The following CNTN5 variants were observed in gnomAD, a reference collection of about 807,000 sequenced individuals.
The protein encoded by CNTN5 is contactin-5.
Under a neutral mutation model 129.1 loss-of-function variants are expected in CNTN5, and 77 were observed. That is an observed-to-expected ratio of 0.60 (90% CI 0.50 to 0.72). The LOEUF (loss-of-function observed/expected upper bound fraction) is 0.72, where lower values mean the gene tolerates loss of function less well. CNTN5 is among the 30% of genes least tolerant of loss of function. The pLI is 0.00. For missense variants in CNTN5, 1,478 were observed against 1,328.8 expected (o/e 1.11, Z -1.75); for synonymous variants, 509 against 465.6 (o/e 1.09, Z -1.20).
intron 1 of CNTN5, among the ~76,000 whole-genome samples, chr11:99,177,198 G>A (rs919132666): frequency 3.3e-5 from 5 of 152,002 alleles, no homozygotes; most frequent in African/African-American, 7.2e-5. Flanking sequence ...GTTTAAAAGC[G>A]GTATCTTCAC....
intron 23 of CNTN5, among the ~76,000 whole-genome samples, chr11:100,349,709 C>T (rs940357736): frequency 9.2e-5 from 14 of 151,642 alleles, no homozygotes; most frequent in Non-Finnish European, 2.1e-4. Context: ...TATGAAAAAG[C>T]ACAAAAAACA....
chr11:99,631,205 T>C (rs1450716563), intron 3 of CNTN5, among the ~76,000 whole-genome samples: 1 of 152,136 alleles, frequency 6.6e-6, no homozygotes, highest in African/African-American at 2.4e-5. Context: ...TTTAATACTG[T>C]ACTAAATTTC....
intron 2 of CNTN5, among the ~76,000 whole-genome samples, chr11:99,509,341 A>C (rs1946747413): frequency 6.6e-6 from 1 of 152,216 alleles, no homozygotes; most frequent in South Asian, 2.1e-4. Context: ...ATTCTCAAAA[A>C]ATTTGTAAAC....
At chr11:100,076,324 T>C (rs558611684) in intron 13 of CNTN5, among the ~76,000 whole-genome samples, 8 of 152,230 alleles carry the variant, frequency 5.3e-5, no homozygotes, top group African/African-American at 1.9e-4. Flanking sequence ...GTCCTATTTA[T>C]TTCAGTTCAC....
At chr11:99,938,200 T>C (rs918451698) in intron 7 of CNTN5, among the ~76,000 whole-genome samples, 18 of 152,176 alleles carry the variant, frequency 1.2e-4, no homozygotes, top group African/African-American at 2.4e-4. Flanking sequence ...TGACTCCCTA[T>C]GCTTGGAAAG....
chr11:99,664,048 T>C (rs192912772), intron 3 of CNTN5, among the ~76,000 whole-genome samples: 59 of 152,290 alleles, frequency 3.9e-4, no homozygotes, highest in African/African-American at 1.4e-3. Flanking sequence ...GTCTACAGTA[T>C]TGGAACGGCG....
At chr11:99,637,032 A>AAAAAAAAAAAAAAAAAC in intron 3 of CNTN5, among the ~76,000 whole-genome samples, 1 of 142,962 alleles carries the variant, frequency 7.0e-6, no homozygotes, top group Non-Finnish European at 1.5e-5. Flanking sequence ...AAAAAAAAAA[A>AAAAAAAAAAAAAAAAAC]AAAAAAAAAG....
At chr11:99,579,505 T>C (rs1220557240) in intron 3 of CNTN5, among the ~76,000 whole-genome samples, 5 of 150,100 alleles carry the variant, frequency 3.3e-5, no homozygotes, top group Admixed American at 6.7e-5. Flanking sequence ...TTTTATTTCA[T>C]TGAGCAGTGG....
chr11:99,272,122 A>G (rs1193541215), intron 1 of CNTN5, among the ~76,000 whole-genome samples: 3 of 152,044 alleles, frequency 2.0e-5, no homozygotes, highest in Middle Eastern at 6.8e-3. Flanking sequence ...ATTTGTTCAC[A>G]AGAAAACTGA....
At chr11:100,001,473 A>G (rs972049113) in intron 8 of CNTN5, among the ~76,000 whole-genome samples, 2 of 152,212 alleles carry the variant, frequency 1.3e-5, no homozygotes, top group Admixed American at 1.3e-4. Flanking sequence ...ATTCATGGCA[A>G]TGATCACTTC....
chr11:99,104,106 A>G (rs1866880987), intron 1 of CNTN5, among the ~76,000 whole-genome samples: 1 of 152,248 alleles, frequency 6.6e-6, no homozygotes, highest in South Asian at 2.1e-4. Context: ...TGAACATCAT[A>G]GCAAATGTTA....
chr11:99,683,651 A>G (rs1953658012), intron 3 of CNTN5, among the ~76,000 whole-genome samples: 1 of 151,810 alleles, frequency 6.6e-6, no homozygotes, highest in African/African-American at 2.4e-5. Flanking sequence ...AAAGTTTGCC[A>G]GTTTTCACAC....
At chr11:99,479,085 A>C (rs1945490118) in intron 2 of CNTN5, among the ~76,000 whole-genome samples, 2 of 152,126 alleles carry the variant, frequency 1.3e-5, no homozygotes, top group African/African-American at 2.4e-5. Flanking sequence ...ACAATGGATT[A>C]AAATTCATAT....
intron 13 of CNTN5, 119 bp downstream of exon 13, chr11:100,074,413 T>A: frequency 1.1e-6 from 1 of 904,644 alleles, no homozygotes; most frequent in Non-Finnish European, 1.7e-6. Context: ...TATGAACTGA[T>A]TGAAACATGG....
At chr11:100,327,455 A>C (rs567968191) in intron 21 of CNTN5, among the ~76,000 whole-genome samples, 1 of 152,160 alleles carries the variant, frequency 6.6e-6, no homozygotes, top group Non-Finnish European at 1.5e-5. Flanking sequence ...CTCAGCCTTC[A>C]ATGTAACTGT....
intron 2 of CNTN5, among the ~76,000 whole-genome samples, chr11:99,532,413 G>T: frequency 6.6e-6 from 1 of 152,066 alleles, no homozygotes; most frequent in East Asian, 1.9e-4. Flanking sequence ...CTTTGTTTTG[G>T]GTTACTGCCG....
intron 1 of CNTN5, among the ~76,000 whole-genome samples, chr11:99,062,190 T>C (rs1051114391): frequency 1.3e-5 from 2 of 152,180 alleles, no homozygotes; most frequent in African/African-American, 4.8e-5. Context: ...CAGACTGTGC[T>C]GATGGCTTCA....
chr11:99,062,045 C>G (rs1014010492), intron 1 of CNTN5, among the ~76,000 whole-genome samples: 19 of 151,366 alleles, frequency 1.3e-4, no homozygotes, highest in Admixed American at 1.3e-3. Flanking sequence ...ATAATTAAAG[C>G]CAGTGCCTCT....
In CNTN5 at chr11:99,064,690, C is replaced by A. The variant is rs1410981624; in HGVS notation, c.-210+43420C>A. Among the ~76,000 whole-genome samples, 5 of 151,990 alleles carry A rather than the reference C, an allele frequency of 3.3e-5. No individual in the cohort carries two copies. The South Asian group carries it at 6.2e-4, about 19-fold the overall frequency. Reference sequence around the variant, plus strand: ...TCAAAATGAAATTTGTATAAAATATCACAATCTCTAATAATACATTTTATT... The same window carrying A: ...TCAAAATGAAATTTGTATAAAATATAACAATCTCTAATAATACATTTTATT... On this transcript the variant is annotated intron_variant, in intron 1 of 24. Coordinates refer to ENST00000524871, the MANE Select transcript of CNTN5 (RefSeq NM_014361.4).
Sources: gnomAD v4.1 joint callset for allele counts (sites outside exome capture counted in the v4.1 genomes callset) on GRCh38, gnomAD v4.1.1 for gene constraint, MANE v1.5 for transcripts, NCBI Gene and HGNC (gene_info 2026-07-23, HGNC 2026-07-21) for gene names.